The following MAD1L1 variants were observed in gnomAD, a reference collection of about 807,000 sequenced individuals.
MAD1L1 encodes mitotic arrest deficient 1 like 1.
Under a neutral mutation model 96.9 loss-of-function variants are expected in MAD1L1, and 95 were observed. The ratio of observed to expected loss-of-function variants is 0.98; its 90% CI spans 0.83 to 1.16. The LOEUF (loss-of-function observed/expected upper bound fraction) is 1.16, where lower values mean the gene tolerates loss of function less well. MAD1L1 is among the 50% of genes most tolerant of loss of function. The probability of loss-of-function intolerance (pLI) is 0.00; values close to 1 mark genes in which losing one functional copy is unlikely to be tolerated. For synonymous variants in MAD1L1, 473 were observed against 396.6 expected, an observed-to-expected ratio of 1.19 and a Z score of -2.29; for missense variants, 1,007 against 954.4, an observed-to-expected ratio of 1.06 and a Z score of -0.73.
Position 2,002,235 on chromosome 7 carries a change from G to A in MAD1L1, c.1360-114C>T, listed in dbSNP as rs548135272. ...CAGCCTCCACTCTCTGGGGAGCAAC[G>A]GGACCCAGGAGCTGGGAAGTGGGCA... On this transcript the variant is annotated intron_variant, in intron 13 of 18. Coordinates refer to ENST00000265854, the MANE Select transcript of MAD1L1 (RefSeq NM_001013836.2). 4.7e-4 allele frequency: 506 copies of A among 1,082,600 alleles called. 2 individuals are homozygous for A. Among genetic ancestry groups the A allele is most frequent in the Admixed American group, 8.1e-4 (46 of 56,676 alleles). 67.1% of individuals were successfully genotyped at this position (1,082,600 alleles called of 1,614,324 possible).
At chr7:1,879,755 GAGTCT>G in intron 18 of MAD1L1, among the ~76,000 whole-genome samples, 1 of 152,206 alleles carries the variant, frequency 6.6e-6, no homozygotes, top group East Asian at 1.9e-4. Context: ...TTTTGAGACG[GAGTCT>G]CACTCTGTCG....
At chr7:2,012,696 C>T (rs983003218) in intron 13 of MAD1L1, among the ~76,000 whole-genome samples, 5 of 152,216 alleles carry the variant, frequency 3.3e-5, no homozygotes, top group South Asian at 2.1e-4. Flanking sequence ...TCTTGTCAAG[C>T]GTGGTGGTGG....
At chr7:2,128,348 C>T (rs948311279) in intron 11 of MAD1L1, among the ~76,000 whole-genome samples, 2 of 152,164 alleles carry the variant, frequency 1.3e-5, no homozygotes, top group African/African-American at 4.8e-5. Context: ...CGAAATGCAG[C>T]CCTGGTGCCA....
intron 10 of MAD1L1, among the ~76,000 whole-genome samples, chr7:2,212,162 A>T: frequency 6.6e-6 from 1 of 151,816 alleles, no homozygotes; most frequent in Non-Finnish European, 1.5e-5. Context: ...AGATGAGCAC[A>T]GGGTCCTGGG....
chr7:2,014,810 C>A (rs370664634), intron 12 of MAD1L1, among the ~76,000 whole-genome samples, 168 bp from the exon 13 acceptor site: 32 of 152,322 alleles, frequency 2.1e-4, no homozygotes, highest in African/African-American at 7.7e-4. Context: ...GTGAAGAGGG[C>A]CCCAGAGTTC....
chr7:1,969,552 T>A (rs900900588), intron 15 of MAD1L1, among the ~76,000 whole-genome samples: 1 of 152,186 alleles, frequency 6.6e-6, no homozygotes, highest in Non-Finnish European at 1.5e-5. Flanking sequence ...ATAAATTGTA[T>A]CCAAATTGGA....
At chr7:1,909,795 T>C (rs1787897723) in intron 17 of MAD1L1, among the ~76,000 whole-genome samples, 1 of 152,196 alleles carries the variant, frequency 6.6e-6, no homozygotes, top group African/African-American at 2.4e-5. Flanking sequence ...ACTCTGCTGG[T>C]ACCAGACGGC....
chr7:1,945,349 AATGAATGC>A (rs1333697158), intron 16 of MAD1L1, among the ~76,000 whole-genome samples: 1 of 152,232 alleles, frequency 6.6e-6, no homozygotes, highest in African/African-American at 2.4e-5. Context: ...GTGTTTGCTG[AATGAATGC>A]ATGATGATGA....
chr7:1,866,760 G>A (rs1784798869), intron 18 of MAD1L1, among the ~76,000 whole-genome samples: 1 of 152,212 alleles, frequency 6.6e-6, no homozygotes, highest in African/African-American at 2.4e-5. Flanking sequence ...GGGCTGACGG[G>A]AGCCCTGAGG....
chr7:1,869,463 GAGCTCAGCCCACGTGC>G, intron 18 of MAD1L1, among the ~76,000 whole-genome samples: 1 of 152,128 alleles, frequency 6.6e-6, no homozygotes, highest in Admixed American at 6.5e-5. Context: ...TGGCCTGCAA[GAGCTCAGCCCACGTGC>G]AGCTGGGAGC....
chr7:1,944,888 T>TGAGTCAGCA (rs1322247516), intron 16 of MAD1L1, among the ~76,000 whole-genome samples: 1 of 152,116 alleles, frequency 6.6e-6, no homozygotes, highest in Non-Finnish European at 1.5e-5. Flanking sequence ...AAGACCCCTG[T>TGAGTCAGCA]GAGTCAGCAG....
chr7:1,895,823 CCTTGGG>C (rs766109850), intron 18 of MAD1L1, among the ~76,000 whole-genome samples: 8 of 152,258 alleles, frequency 5.3e-5, no homozygotes, highest in Non-Finnish European at 8.8e-5. Context: ...TTCACACGGG[CCTTGGG>C]CCAGGACAGG....
At chr7:2,203,660 C>A (rs1479621655) in intron 10 of MAD1L1, among the ~76,000 whole-genome samples, 3 of 152,238 alleles carry the variant, frequency 2.0e-5, no homozygotes, top group Non-Finnish European at 4.4e-5. Flanking sequence ...GCAGACCAGC[C>A]TGCGCTGGGG....
intron 11 of MAD1L1, among the ~76,000 whole-genome samples, chr7:2,099,568 C>T (rs959128370): frequency 6.6e-6 from 1 of 152,206 alleles, no homozygotes; most frequent in South Asian, 2.1e-4. Context: ...CAACCCGCCA[C>T]CCAGAGGCCA....
intron 18 of MAD1L1, among the ~76,000 whole-genome samples, chr7:1,820,738 G>C (rs1345142580): frequency 6.6e-6 from 1 of 151,128 alleles, no homozygotes; most frequent in Non-Finnish European, 1.5e-5. Flanking sequence ...GTGAAACCCT[G>C]TCTCAAAAAT....
intron 16 of MAD1L1, among the ~76,000 whole-genome samples, chr7:1,942,048 C>A (rs1172225702): frequency 1.3e-5 from 2 of 152,204 alleles, no homozygotes; most frequent in African/African-American, 2.4e-5. Flanking sequence ...CTGGGCCAGG[C>A]TCTTGACCTC....
intron 15 of MAD1L1, 80 bp downstream of exon 15, chr7:1,980,373 C>G: frequency 1.7e-6 from 2 of 1,157,242 alleles, no homozygotes; most frequent in East Asian, 3.1e-5. Context: ...CCTCCTCCCC[C>G]GCAGGACACA....
intron 11 of MAD1L1, among the ~76,000 whole-genome samples, chr7:2,117,400 C>G (rs1787761750): frequency 6.6e-6 from 1 of 152,246 alleles, no homozygotes; most frequent in Non-Finnish European, 1.5e-5. Flanking sequence ...TACAGACAGG[C>G]AGCTGCCCAT....
At chr7:2,071,570 G>A (rs1373811318) in intron 11 of MAD1L1, among the ~76,000 whole-genome samples, 3 of 152,340 alleles carry the variant, frequency 2.0e-5, no homozygotes, top group South Asian at 2.1e-4. Context: ...AGGATGGGGC[G>A]GGACACCAGG....
Sources: allele counts gnomAD v4.1 joint callset (sites outside exome capture counted in the v4.1 genomes callset), GRCh38; gene constraint gnomAD v4.1.1; transcripts MANE v1.5; gene names NCBI Gene and HGNC (gene_info 2026-07-23, HGNC 2026-07-21).